The following MINDY3 variants were observed in gnomAD, a reference collection of about 807,000 sequenced individuals.
MINDY3 encodes the protein ubiquitin carboxyl-terminal hydrolase MINDY-3.
In MINDY3, 38 loss-of-function variants were observed where a neutral mutation model predicts 69.2. The observed-to-expected ratio is 0.55, with a 90% CI of 0.42 to 0.72. MINDY3 has a LOEUF of 0.72. MINDY3 is among the 30% of genes least tolerant of loss of function. The pLI, the probability that MINDY3 is intolerant of heterozygous loss-of-function variation, is 0.00. For synonymous variants in MINDY3, 192 were observed against 180.1 expected (o/e 1.07, Z -0.53); for missense variants, 522 against 519.0 (o/e 1.01, Z -0.06).
chr10:15,796,048 ATTTCAAACAT>A, intron 11 of MINDY3, 42 bp downstream of exon 11: 1 of 1,313,536 alleles, frequency 7.6e-7, no homozygotes. Context: ...CTATCAATGT[ATTTCAAACAT>A]ATGAAGACAT....
intron 8 of MINDY3, among the ~76,000 whole-genome samples, chr10:15,825,723 T>G (rs1460572642): frequency 4.6e-5 from 7 of 152,246 alleles, no homozygotes; most frequent in African/African-American, 1.7e-4. Flanking sequence ...GTACAACATG[T>G]TTTGAAATAT....
At chr10:15,857,856 A>T (rs1834805094) in intron 1 of MINDY3, 1 of 674,398 alleles carries the variant, frequency 1.5e-6, no homozygotes, top group African/African-American at 2.0e-5. Flanking sequence ...TTTATAGATG[A>T]AATATCTCTA....
At chr10:15,810,408 T>A (rs1251322759) in intron 10 of MINDY3, among the ~76,000 whole-genome samples, 1 of 152,180 alleles carries the variant, frequency 6.6e-6, no homozygotes, top group East Asian at 1.9e-4. Context: ...CAAAGCTTAT[T>A]TGTAAATACT....
At chr10:15,823,499 G>A (rs183967097) in intron 8 of MINDY3, among the ~76,000 whole-genome samples, 9 of 152,012 alleles carry the variant, frequency 5.9e-5, no homozygotes, top group African/African-American at 1.4e-4. Context: ...TTAAAACAAC[G>A]TCACTCTCCT....
intron 10 of MINDY3, among the ~76,000 whole-genome samples, chr10:15,798,447 G>GTCTC (rs992293289): frequency 6.7e-6 from 1 of 149,730 alleles, no homozygotes; most frequent in African/African-American, 2.5e-5. Flanking sequence ...CTGATGCCTT[G>GTCTC]TCTCTAAGTG....
At chr10:15,842,454 C>T (rs1425453533) in intron 3 of MINDY3, among the ~76,000 whole-genome samples, 4 of 151,716 alleles carry the variant, frequency 2.6e-5, no homozygotes, top group African/African-American at 9.7e-5. Flanking sequence ...AAAATAGTAT[C>T]TCAAATAGTT....
intron 8 of MINDY3, 115 bp from the exon 9 acceptor site, chr10:15,821,841 T>C (rs1839790557): frequency 2.7e-6 from 2 of 732,390 alleles, no homozygotes; most frequent in East Asian, 2.7e-5. Flanking sequence ...ACTTTTAACT[T>C]TTACCCAAAA....
intron 8 of MINDY3, among the ~76,000 whole-genome samples, chr10:15,826,360 G>A (rs1483137882): frequency 6.6e-6 from 1 of 152,154 alleles, no homozygotes; most frequent in Non-Finnish European, 1.5e-5. Flanking sequence ...TATTGGAGAA[G>A]CAAAAGATGG....
chr10:15,832,443 T>A (rs541064438), intron 8 of MINDY3, among the ~76,000 whole-genome samples: 1 of 145,296 alleles, frequency 6.9e-6, no homozygotes, highest in East Asian at 1.9e-4. Context: ...GACACTGAAA[T>A]GAGATTTTTT....
At chr10:15,849,446 G>GGT (rs544241460) in intron 1 of MINDY3, among the ~76,000 whole-genome samples, 9 of 142,936 alleles carry the variant, frequency 6.3e-5, no homozygotes, top group African/African-American at 1.8e-4. Context: ...CATCTTACTG[G>GGT]TTTTTTTTTT....
intron 10 of MINDY3, among the ~76,000 whole-genome samples, chr10:15,796,670 TAGTC>T (rs1173968190): frequency 2.0e-5 from 3 of 151,986 alleles, no homozygotes; most frequent in Admixed American, 6.6e-5. Context: ...TTTAGTAACC[TAGTC>T]AAAGCTCAAT....
In MINDY3 at chr10:15,821,671, A is replaced by C; in HGVS notation, c.786T>G (p.Ala262=). Reference sequence around the variant, plus strand: ...ATCAATTTACCTTACAGTATCTTAAAGCTTCCATTAGTGTTAAAAATCCTA... The same window carrying C: ...ATCAATTTACCTTACAGTATCTTAACGCTTCCATTAGTGTTAAAAATCCTA... ...AAVGFLTLME[A]LRYCKVGSYL... Residue 262 remains alanine (A), a synonymous_variant, in exon 9 of 15, where the codon GCT becomes GCG. Coordinates refer to ENST00000277632, the MANE Select transcript of MINDY3 (RefSeq NM_024948.4). The C allele has an allele frequency of 6.2e-7, 1 of 1,611,014 alleles. No individual in the cohort carries two copies. Among genetic ancestry groups the C allele is most frequent in the East Asian group, 2.2e-5 (1 of 44,814 alleles).
intron 5 of MINDY3, chr10:15,837,976 T>C (rs1833202508): frequency 2.1e-6 from 2 of 968,694 alleles, no homozygotes; most frequent in Non-Finnish European, 1.2e-6. Flanking sequence ...TTTTTTTTCA[T>C]TGTAATGATG....
chr10:15,800,464 C>A (rs1170809925), intron 10 of MINDY3, among the ~76,000 whole-genome samples: 2 of 152,074 alleles, frequency 1.3e-5, no homozygotes, highest in Admixed American at 1.3e-4. Flanking sequence ...CTGCTCAGAG[C>A]ACAAGTATGG....
At chr10:15,806,502 C>G (rs1838650367) in intron 10 of MINDY3, among the ~76,000 whole-genome samples, 1 of 152,118 alleles carries the variant, frequency 6.6e-6, no homozygotes, top group South Asian at 2.1e-4. Flanking sequence ...AAATTAGTCA[C>G]AGTACTCACA....
rs375700628 is a variant in MINDY3, at chr10:15,811,099, A to AT, written c.882+5735dup. Among the ~76,000 whole-genome samples the AT allele has an allele frequency of 6.6e-5, 10 of 152,260 alleles. 1 individual carries two copies. The highest frequency in any genetic ancestry group is 2.2e-4 in the African/African-American group (9 of 41,568). On this transcript the variant is annotated intron_variant, in intron 10 of 14. Coordinates refer to ENST00000277632, the MANE Select transcript of MINDY3 (RefSeq NM_024948.4). ...TCTGCCAATTATTTTGATAATGCAAATGAACACGGGCCACAAGCTTCGACT... is the reference window on the plus strand; with the variant it reads ...TCTGCCAATTATTTTGATAATGCAAATTGAACACGGGCCACAAGCTTCGACT...
chr10:15,825,061 G>A (rs944312951), intron 8 of MINDY3, among the ~76,000 whole-genome samples: 1 of 152,092 alleles, frequency 6.6e-6, no homozygotes, highest in East Asian at 1.9e-4. Flanking sequence ...TTATTTGTAG[G>A]AGACTTTCTC....
chr10:15,850,822 C>T (rs376552122), intron 1 of MINDY3, among the ~76,000 whole-genome samples: 62 of 152,218 alleles, frequency 4.1e-4, no homozygotes, highest in African/African-American at 1.3e-3. Flanking sequence ...GCTGGTTTTG[C>T]GGCTCAGGGG....
intron 10 of MINDY3, among the ~76,000 whole-genome samples, chr10:15,805,963 G>A (rs1387047317): frequency 2.0e-5 from 3 of 152,096 alleles, no homozygotes; most frequent in Non-Finnish European, 4.4e-5. Flanking sequence ...ATTGCTTTTA[G>A]AGACGTTAAA....
Sources: allele counts gnomAD v4.1 joint callset (sites outside exome capture counted in the v4.1 genomes callset), GRCh38; gene constraint gnomAD v4.1.1; transcripts MANE v1.5; gene names NCBI Gene and HGNC (gene_info 2026-07-23, HGNC 2026-07-21).